The following ICA1 variants were observed in gnomAD, a reference collection of about 807,000 sequenced individuals.
ICA1 encodes 69 kDa islet cell autoantigen.
Under a neutral mutation model 71.0 loss-of-function variants are expected in ICA1, and 40 were observed. That is an observed-to-expected ratio of 0.56 (90% CI 0.44 to 0.73). The LOEUF (loss-of-function observed/expected upper bound fraction) is 0.73, where lower values mean the gene tolerates loss of function less well. ICA1 is among the 30% of genes least tolerant of loss of function. The pLI is 0.00. For missense variants in ICA1, 578 were observed against 576.5 expected (o/e 1.00, Z -0.03); for synonymous variants, 207 against 209.5 (o/e 0.99, Z 0.10).
chr7:8,135,247 G>A (rs921113430), intron 12 of ICA1, among the ~76,000 whole-genome samples: 11 of 152,034 alleles, frequency 7.2e-5, no homozygotes, highest in South Asian at 2.1e-4. Flanking sequence ...GGCTGGTCTC[G>A]AACTCTTGAC....
At position 8,128,139 on chromosome 7, in the gene ICA1, C is replaced by G. The variant is rs201153458; in HGVS notation, c.1064G>C (p.Cys355Ser). The G allele has an allele frequency of 1.2e-6, 2 of 1,613,744 alleles. No individual in the cohort carries two copies. Among genetic ancestry groups the G allele is most frequent in the Non-Finnish European group, 8.5e-7 (1 of 1,179,772 alleles). The part of the protein sequence containing the change: ...LLDMKSEEGA[C>S]LGPVAGTPEP... Reference sequence around the variant, plus strand: ...CGGGGTCCCTGCCACTGGTCCCAGGCAAGCTGATTGAAGTAACAGAGAACA... The same window carrying G: ...CGGGGTCCCTGCCACTGGTCCCAGGGAAGCTGATTGAAGTAACAGAGAACA... Residue 355 changes from cysteine (C) to serine (S), a missense_variant, in exon 13 of 14, where the codon TGC becomes TCC. Coordinates refer to ENST00000402384, the MANE Select transcript of ICA1 (RefSeq NM_001136020.3).
Position 8,172,487 on chromosome 7 carries a change from G to A in ICA1, c.580-13835C>T, listed in dbSNP as rs111682525. Reference sequence around the variant, plus strand: ...TCTTTACATTTAAGGTGTGTGCTATGGACAGCATAGAGCTAGATCTTGCTT... The same window carrying A: ...TCTTTACATTTAAGGTGTGTGCTATAGACAGCATAGAGCTAGATCTTGCTT... On this transcript the variant is annotated intron_variant, in intron 6 of 13. Coordinates refer to ENST00000402384, the MANE Select transcript of ICA1 (RefSeq NM_001136020.3). 1.6e-3 allele frequency among the ~76,000 whole-genome samples: 246 copies of A among 152,120 alleles called. 1 individual carries two copies. Among genetic ancestry groups the A allele is most frequent in the African/African-American group, 5.6e-3 (231 of 41,530 alleles).
At chr7:8,194,197 T>C (rs1329137476) in intron 6 of ICA1, among the ~76,000 whole-genome samples, 15 of 152,134 alleles carry the variant, frequency 9.9e-5, no homozygotes. Flanking sequence ...CAAACACACA[T>C]ATACACATGT....
chr7:8,232,564 G>A (rs371931133), intron 3 of ICA1, 26 bp downstream of exon 3: 1 of 1,583,540 alleles, frequency 6.3e-7, no homozygotes, highest in Non-Finnish European at 8.6e-7. Context: ...TGGCTGTGTT[G>A]GGGCTGACAG....
In ICA1 at chr7:8,130,070, T is replaced by C. The variant is rs887326628; in HGVS notation, c.1061-1928A>G. Among the ~76,000 whole-genome samples, 33 of 152,276 alleles carry C rather than the reference T, an allele frequency of 2.2e-4. No individual in the cohort carries two copies. The highest frequency in any genetic ancestry group is 4.1e-4 in the South Asian group (2 of 4,820). On this transcript the variant is annotated intron_variant, in intron 12 of 13. Coordinates refer to ENST00000402384, the MANE Select transcript of ICA1 (RefSeq NM_001136020.3). This position sits in a 1 kb window ranked among gnomAD's most constrained non-coding sequence, Gnocchi z 4.2. ...TATGGCTGCATAGTATTCCATGGTG[T>C]ATATGTGCCACATTTTCTTAATCCA...
chr7:8,161,982 G>A (rs956486786), intron 6 of ICA1, among the ~76,000 whole-genome samples: 1 of 152,168 alleles, frequency 6.6e-6, no homozygotes, highest in Non-Finnish European at 1.5e-5. Flanking sequence ...GTGGGTCTTA[G>A]GCATGACTAG....
Position 8,173,955 on chromosome 7 carries a change from A to T in ICA1, c.580-15303T>A, listed in dbSNP as rs1779682593. On this transcript the variant is annotated intron_variant, in intron 6 of 13. Coordinates refer to ENST00000402384, the MANE Select transcript of ICA1 (RefSeq NM_001136020.3). This position sits in a 1 kb window ranked among gnomAD's most constrained non-coding sequence, Gnocchi z 4.0. Reference sequence around the variant, plus strand: ...AGTAAACATATTGTCTGTTGGTGAAAATAAAGCATTGTAAGAAAGATATGA... The same window carrying T: ...AGTAAACATATTGTCTGTTGGTGAATATAAAGCATTGTAAGAAAGATATGA... 6.6e-6 allele frequency among the ~76,000 whole-genome samples: 1 copy of T among 152,162 alleles called. No homozygotes were observed. Among genetic ancestry groups the T allele is most frequent in the South Asian group, 2.1e-4 (1 of 4,822 alleles).
chr7:8,181,110 T>C (rs1306655803), intron 6 of ICA1, among the ~76,000 whole-genome samples: 2 of 152,280 alleles, frequency 1.3e-5, no homozygotes, highest in African/African-American at 4.8e-5. Flanking sequence ...TATTGTTCTG[T>C]CTTTGGACTT....
intron 6 of ICA1, among the ~76,000 whole-genome samples, chr7:8,200,724 G>A (rs1211382211): frequency 6.6e-6 from 1 of 152,206 alleles, no homozygotes; most frequent in Non-Finnish European, 1.5e-5. Context: ...TAATGAAAGA[G>A]TTTCATGAAG....
intron 6 of ICA1, among the ~76,000 whole-genome samples, chr7:8,216,663 G>A (rs1484250628): frequency 1.3e-5 from 2 of 151,896 alleles, no homozygotes; most frequent in Non-Finnish European, 2.9e-5. Context: ...CACATAGGAG[G>A]TGTTCAATAA....
At chr7:8,239,071 C>CGT (rs1802828266) in intron 1 of ICA1, among the ~76,000 whole-genome samples, 2 of 152,176 alleles carry the variant, frequency 1.3e-5, no homozygotes, top group Admixed American at 6.5e-5. Context: ...GCAAAGGAAT[C>CGT]ATAAGTGGTC....
In ICA1 at chr7:8,232,707, A is replaced by G; in HGVS notation, c.66T>C (p.Val22=). ...AATATTTCTGTTGCATCTTATTTAC[A>G]ACTGACTTATCTTGAGCATATCGAT... ...LQDRYAQDKS[V]VNKMQQKYWE... Residue 22 remains valine (V), a synonymous_variant, in exon 3 of 14, where the codon GTT becomes GTC. Transcript: ENST00000402384. 1 of 1,612,200 alleles carries G rather than the reference A, an allele frequency of 6.2e-7. No individual in the cohort carries two copies. Among genetic ancestry groups the G allele is most frequent in the Non-Finnish European group, 8.5e-7 (1 of 1,179,106 alleles).
Position 8,161,664 on chromosome 7 carries a change from G to A in ICA1, c.580-3012C>T, listed in dbSNP as rs1409685680. The stretch of plus-strand genomic sequence containing the variant: ...TGAGAAACATATGCATGCAAGAGAC[G>A]TGAGGAGGAGAGACCAGTTGTCCCA... On this transcript the variant is annotated intron_variant, in intron 6 of 13. Transcript: ENST00000402384. 3.3e-5 allele frequency among the ~76,000 whole-genome samples: 5 copies of A among 152,144 alleles called. No homozygotes were observed. The South Asian group carries it at 8.3e-4, about 25-fold the overall frequency.
intron 5 of ICA1, among the ~76,000 whole-genome samples, chr7:8,219,919 C>G (rs1308956556): frequency 6.6e-6 from 1 of 152,150 alleles, no homozygotes; most frequent in African/African-American, 2.4e-5. Flanking sequence ...TAACACATGA[C>G]AACTTACTCT....
intron 6 of ICA1, among the ~76,000 whole-genome samples, chr7:8,179,115 C>G (rs187715971): frequency 3.3e-5 from 5 of 152,182 alleles, no homozygotes; most frequent in African/African-American, 1.2e-4. Context: ...CCAGGCAACA[C>G]TGAAAGGCAA....
intron 10 of ICA1, 149 bp downstream of exon 10, chr7:8,141,616 T>C: frequency 1.7e-6 from 1 of 575,558 alleles, no homozygotes; most frequent in Non-Finnish European, 3.1e-6. Context: ...TCTGAACATT[T>C]AGAACTGAGT....
intron 1 of ICA1, among the ~76,000 whole-genome samples, chr7:8,236,427 T>C (rs952721954): frequency 6.6e-5 from 10 of 152,200 alleles, no homozygotes; most frequent in Admixed American, 1.3e-4. Context: ...GTGAGAGAGA[T>C]ATACAGCAGC....
At chr7:8,149,991 A>G (rs971004662) in intron 8 of ICA1, among the ~76,000 whole-genome samples, 2 of 152,262 alleles carry the variant, frequency 1.3e-5, no homozygotes, top group Admixed American at 6.5e-5. Flanking sequence ...AAGACACTAT[A>G]TAAGAAACAC....
intron 13 of ICA1, among the ~76,000 whole-genome samples, chr7:8,127,283 T>C (rs371590747): frequency 1.3e-5 from 2 of 151,840 alleles, no homozygotes; most frequent in East Asian, 1.9e-4. Context: ...TGAGCCACCA[T>C]GCCTGGCCTG....
Sources: allele counts gnomAD v4.1 joint callset (sites outside exome capture counted in the v4.1 genomes callset), GRCh38; gene constraint gnomAD v4.1.1; non-coding constraint Gnocchi (gnomAD v3.1); transcripts MANE v1.5; gene names NCBI Gene and HGNC (gene_info 2026-07-23, HGNC 2026-07-21).